USP31: variants seen among roughly 807,000 people sequenced by gnomAD.
USP31 encodes the protein ubiquitin carboxyl-terminal hydrolase 31.
In USP31, 44 loss-of-function variants were observed where a neutral mutation model predicts 119.4. That is an observed-to-expected ratio of 0.37 (90% CI 0.29 to 0.47). USP31 has a LOEUF of 0.47. Among genes scored for constraint, USP31 ranks in the 20% least tolerant of loss-of-function variants. The pLI is 0.99. For missense variants in USP31, 1,643 were observed against 1,730.2 expected, an observed-to-expected ratio of 0.95 and a Z score of 0.89; for synonymous variants, 749 against 705.6, an observed-to-expected ratio of 1.06 and a Z score of -0.97.
chr16:23,113,597 C>T (rs968182281), intron 1 of USP31, among the ~76,000 whole-genome samples: 1 of 152,106 alleles, frequency 6.6e-6, no homozygotes, highest in Non-Finnish European at 1.5e-5. Flanking sequence ...GTTGCTTGCT[C>T]ATATAATCTC....
chr16:23,083,641 C>G (rs1162812729), intron 11 of USP31, among the ~76,000 whole-genome samples: 1 of 109,228 alleles, frequency 9.2e-6, no homozygotes, highest in Non-Finnish European at 1.7e-5. Context: ...TCATAGAGAA[C>G]CTACAGTCAA....
rs1253192384 is a variant in USP31, at chr16:23,066,325, G to T, written c.*1721C>A. 6.6e-6 allele frequency: 1 copy of T among 152,560 alleles called. No homozygotes were observed. Among genetic ancestry groups the T allele is most frequent in the Admixed American group, 6.5e-5 (1 of 15,268 alleles). The allele number at this position is 152,560 out of a possible 1,614,324, so 9.5% of individuals were successfully genotyped here. ...TCAACAGTAAGTGGTCTCCAGACTTGCAAGTTACCGGCTAATGCGCAAATT... is the reference window on the plus strand; with the variant it reads ...TCAACAGTAAGTGGTCTCCAGACTTTCAAGTTACCGGCTAATGCGCAAATT... On this transcript the variant is annotated 3_prime_UTR_variant, in exon 16 of 16. Coordinates refer to ENST00000219689, the MANE Select transcript of USP31 (RefSeq NM_020718.4).
chr16:23,079,781 G>T, intron 13 of USP31, 165 bp downstream of exon 13: 1 of 605,746 alleles, frequency 1.7e-6, no homozygotes, highest in Non-Finnish European at 2.7e-6. Context: ...AAGAATGTTC[G>T]TTTATTTGCT....
chr16:23,093,629 A>G (rs2141856621), intron 6 of USP31, among the ~76,000 whole-genome samples: 1 of 152,354 alleles, frequency 6.6e-6, no homozygotes, highest in African/African-American at 2.4e-5. Context: ...GGCAATTCCC[A>G]AGAAGACAAC....
At chr16:23,120,177 T>TA (rs1902621164) in intron 1 of USP31, among the ~76,000 whole-genome samples, 1 of 152,140 alleles carries the variant, frequency 6.6e-6, no homozygotes, top group Non-Finnish European at 1.5e-5. Flanking sequence ...AATTTTGACT[T>TA]ACAATCAACA....
chr16:23,102,936 A>T (rs1194952837), intron 5 of USP31, among the ~76,000 whole-genome samples: 2 of 152,222 alleles, frequency 1.3e-5, no homozygotes, highest in African/African-American at 2.4e-5. Context: ...ATACAGGATG[A>T]TATGCTTAGG....
intron 1 of USP31, among the ~76,000 whole-genome samples, chr16:23,136,174 C>T (rs538696732): frequency 6.6e-6 from 1 of 152,230 alleles, no homozygotes; most frequent in South Asian, 2.1e-4. Flanking sequence ...AAGTTGGACC[C>T]TTACCAAAAA....
At chr16:23,118,495 G>A (rs1045511680) in intron 1 of USP31, among the ~76,000 whole-genome samples, 15 of 151,988 alleles carry the variant, frequency 9.9e-5, no homozygotes, top group African/African-American at 3.4e-4. Flanking sequence ...GTGAAGCCAA[G>A]TCTGAGAACG....
At chr16:23,074,122 C>T (rs1295606687) in intron 13 of USP31, among the ~76,000 whole-genome samples, 1 of 152,206 alleles carries the variant, frequency 6.6e-6, no homozygotes, top group Non-Finnish European at 1.5e-5. Flanking sequence ...AAAACACATA[C>T]TTATTTAAAC....
chr16:23,116,279 T>C (rs149314502), intron 1 of USP31, among the ~76,000 whole-genome samples: 1 of 152,096 alleles, frequency 6.6e-6, no homozygotes, highest in East Asian at 1.9e-4. Flanking sequence ...GAAAAAGAAA[T>C]AGATGAAATG....
intron 1 of USP31, among the ~76,000 whole-genome samples, chr16:23,130,562 T>C (rs758719526): frequency 6.6e-6 from 1 of 152,160 alleles, no homozygotes; most frequent in Non-Finnish European, 1.5e-5. Context: ...CTACAGGAGT[T>C]GGAATTATGT....
chr16:23,073,190 A>T (rs184617690), intron 14 of USP31, among the ~76,000 whole-genome samples: 207 of 152,212 alleles, frequency 1.4e-3, no homozygotes, highest in African/African-American at 4.7e-3. Context: ...AAGCCACCTA[A>T]TATTATCACA....
Position 23,067,821 on chromosome 16 carries a change from T to C in USP31, c.*225A>G, listed in dbSNP as rs1900139008. The C allele has an allele frequency of 2.1e-6, 1 of 486,826 alleles. No homozygotes were observed. The allele number at this position is 486,826 out of a possible 1,614,324, so 30.2% of individuals were successfully genotyped here. On this transcript the variant is annotated 3_prime_UTR_variant, in exon 16 of 16. Coordinates refer to ENST00000219689, the MANE Select transcript of USP31 (RefSeq NM_020718.4). ...ATTATTCCAGTTAGCTTGGTGTCAATGTTTTGCCTATGGCTGTTATTTGGT... is the reference window on the plus strand; with the variant it reads ...ATTATTCCAGTTAGCTTGGTGTCAACGTTTTGCCTATGGCTGTTATTTGGT...
chr16:23,102,570 G>C, intron 5 of USP31, 107 bp from the exon 6 acceptor site: 1 of 1,313,852 alleles, frequency 7.6e-7, no homozygotes, highest in Non-Finnish European at 1.0e-6. Context: ...AGTGGTCTGA[G>C]AGACATCTCG....
rs78642995 is a variant in USP31, at chr16:23,112,410, C to T, written c.634-4227G>A. Among the ~76,000 whole-genome samples the T allele has an allele frequency of 3.6e-3, 541 of 152,102 alleles. 22 individuals are homozygous for T. The South Asian group carries it at 0.052, about 15-fold the overall frequency. On this transcript the variant is annotated intron_variant, in intron 1 of 15. Transcript: ENST00000219689. ...CCTGACCAACATGGTGAAACTCCGTCTCCACTAACACAAAATTAGTCAGGC... is the reference window on the plus strand; with the variant it reads ...CCTGACCAACATGGTGAAACTCCGTTTCCACTAACACAAAATTAGTCAGGC...
At chr16:23,119,733 G>C (rs1902606983) in intron 1 of USP31, among the ~76,000 whole-genome samples, 1 of 152,166 alleles carries the variant, frequency 6.6e-6, no homozygotes, top group Non-Finnish European at 1.5e-5. Context: ...CATGTTATTT[G>C]AGAAATAAGG....
intron 6 of USP31, among the ~76,000 whole-genome samples, chr16:23,096,315 C>A (rs566085233): frequency 2.0e-4 from 31 of 152,110 alleles, no homozygotes; most frequent in Non-Finnish European, 4.3e-4. Context: ...TATATATGCA[C>A]CCAATACAGG....
At chr16:23,084,776 C>A (rs766535417) in intron 11 of USP31, 84 bp downstream of exon 11, 11 of 1,562,282 alleles carry the variant, frequency 7.0e-6, no homozygotes, top group Non-Finnish European at 9.6e-6. Context: ...ACTTCTGGGG[C>A]GTGATTTGTT....
At chr16:23,127,803 C>T (rs1280756805) in intron 1 of USP31, among the ~76,000 whole-genome samples, 1 of 152,074 alleles carries the variant, frequency 6.6e-6, no homozygotes, top group Non-Finnish European at 1.5e-5. Context: ...AACTATATAT[C>T]CAGTGATGAC....
Sources: allele counts gnomAD v4.1 joint callset (sites outside exome capture counted in the v4.1 genomes callset), GRCh38; gene constraint gnomAD v4.1.1; transcripts MANE v1.5; gene names NCBI Gene and HGNC (gene_info 2026-07-23, HGNC 2026-07-21).